The following JMJD1C variants were observed in gnomAD, a reference collection of about 807,000 sequenced individuals.
JMJD1C encodes jumonji domain containing 1C.
In JMJD1C, 31 loss-of-function variants were observed where a neutral mutation model predicts 245.3. That is an observed-to-expected ratio of 0.13 (90% CI 0.09 to 0.17). JMJD1C has a LOEUF of 0.17. Among genes scored for constraint, JMJD1C ranks in the 10% least tolerant of loss-of-function variants. The pLI, the probability that JMJD1C is intolerant of heterozygous loss-of-function variation, is 1.00. For synonymous variants in JMJD1C, 1,057 were observed against 1,017.4 expected, an observed-to-expected ratio of 1.04 and a Z score of -0.74; for missense variants, 2,691 against 3,000.2, an observed-to-expected ratio of 0.90 and a Z score of 2.41.
chr10:63,327,284 T>G (rs1941630624), intron 2 of JMJD1C, among the ~76,000 whole-genome samples: 1 of 152,194 alleles, frequency 6.6e-6, no homozygotes, highest in Admixed American at 6.5e-5. Flanking sequence ...TAAAAATACG[T>G]TTCTATGTAA....
intron 1 of JMJD1C, among the ~76,000 whole-genome samples, chr10:63,408,263 C>T (rs1015590085): frequency 7.2e-5 from 11 of 151,816 alleles, no homozygotes; most frequent in African/African-American, 2.4e-4. Context: ...ATTAGCTGGG[C>T]GTGGAGGCGG....
At chr10:63,517,006 C>A (rs1955038799) in intron 1 of JMJD1C, among the ~76,000 whole-genome samples, 1 of 152,176 alleles carries the variant, frequency 6.6e-6, no homozygotes, top group Non-Finnish European at 1.5e-5. Flanking sequence ...TTATGTCAGT[C>A]TTCTTAAGAT....
At position 63,208,525 on chromosome 10, in the gene JMJD1C, A is replaced by C. The variant is rs1846936284; in HGVS notation, c.3144T>G (p.Asn1048Lys). 6.2e-7 allele frequency: 1 copy of C among 1,614,124 alleles called. No homozygotes were observed. The highest frequency in any genetic ancestry group is 8.5e-7 in the Non-Finnish European group (1 of 1,179,992). Residue 1048 changes from asparagine to lysine, a missense_variant, in exon 10 of 26, where the codon AAT becomes AAG. By Grantham distance (94) the Asn-to-Lys change is moderately conservative (BLOSUM62 0). Coordinates refer to ENST00000399262, the MANE Select transcript of JMJD1C (RefSeq NM_032776.3). ...AAGATGATGATGCCACTCTGGAATA[A>C]TTCTCTCTCTCACCCTCAAGTCCCT... ...KIKGLEGERE[N>K]YSRVASSSSS...
intron 3 of JMJD1C, among the ~76,000 whole-genome samples, chr10:63,263,882 A>C (rs1308404144): frequency 3.3e-5 from 5 of 151,010 alleles, no homozygotes. Flanking sequence ...CAGTGAACCA[A>C]GAACGTGCCA....
At chr10:63,324,662 C>T (rs897424760) in intron 2 of JMJD1C, among the ~76,000 whole-genome samples, 1 of 152,182 alleles carries the variant, frequency 6.6e-6, no homozygotes, top group African/African-American at 2.4e-5. Context: ...AAAACTCCTA[C>T]CTATAGAGCT....
chr10:63,261,882 G>A (rs898552836), intron 3 of JMJD1C, among the ~76,000 whole-genome samples: 3 of 152,092 alleles, frequency 2.0e-5, no homozygotes, highest in African/African-American at 7.2e-5. Context: ...CATTTAATTA[G>A]ATTCACAGCA....
intron 2 of JMJD1C, among the ~76,000 whole-genome samples, chr10:63,298,150 C>T (rs1859660639): frequency 6.6e-6 from 1 of 152,214 alleles, no homozygotes; most frequent in South Asian, 2.1e-4. Context: ...GGACCCTGTG[C>T]TTGCCCGGTC....
In JMJD1C at chr10:63,264,631, A is replaced by C. The variant is rs763404572; in HGVS notation, c.447+20T>G. 9.6e-7 allele frequency: 1 copy of C among 1,045,516 alleles called. No individual in the cohort carries two copies. Among genetic ancestry groups the C allele is most frequent in the Non-Finnish European group, 1.4e-6 (1 of 702,074 alleles). The allele number at this position is 1,045,516 out of a possible 1,614,324, so 64.8% of individuals were successfully genotyped here. On this transcript the variant is annotated intron_variant, in intron 3 of 25. Coordinates refer to ENST00000399262, the MANE Select transcript of JMJD1C (RefSeq NM_032776.3). Reference sequence around the variant, plus strand: ...GTTTAATTAACCTTTAATTTTAAAAAGTAATCTAAAATTTCTTACCTGGTA... The same window carrying C: ...GTTTAATTAACCTTTAATTTTAAAACGTAATCTAAAATTTCTTACCTGGTA...
chr10:63,221,059 G>A lies in JMJD1C; in HGVS notation c.448-1076C>T, dbSNP rs1215457954. On this transcript the variant is annotated intron_variant, in intron 3 of 25. Coordinates refer to ENST00000399262, the MANE Select transcript of JMJD1C (RefSeq NM_032776.3). ...CGGAAGGTGGCACTTGCAATGGGCC[G>A]AGATCACACCACTGCACTCCAGCCT... is the stretch of plus-strand genomic sequence containing the variant. Among the ~76,000 whole-genome samples, 6 of 145,758 alleles carry A rather than the reference G, an allele frequency of 4.1e-5. No individual in the cohort carries two copies. The East Asian group carries it at 1.0e-3, about 25-fold the overall frequency.
At chr10:63,502,183 C>T (rs1483884830) in intron 1 of JMJD1C, among the ~76,000 whole-genome samples, 1 of 152,092 alleles carries the variant, frequency 6.6e-6, no homozygotes, top group Non-Finnish European at 1.5e-5. Context: ...CAAATTTTGC[C>T]AGTTTGCAGA....
At chr10:63,170,773 T>C (rs1842274892) in intron 24 of JMJD1C, among the ~76,000 whole-genome samples, 1 of 152,204 alleles carries the variant, frequency 6.6e-6, no homozygotes, top group Admixed American at 6.5e-5. Context: ...GGATAAAGGC[T>C]TGAGGGTTAC....
intron 2 of JMJD1C, among the ~76,000 whole-genome samples, chr10:63,308,609 GA>G (rs58302652): frequency 1.0e-3 from 131 of 129,748 alleles, no homozygotes; most frequent in East Asian, 2.7e-3. Context: ...GCTGCTATAG[GA>G]AAAAAAAAAA....
intron 11 of JMJD1C, among the ~76,000 whole-genome samples, chr10:63,199,551 T>C (rs950798796): frequency 6.6e-6 from 1 of 152,178 alleles, no homozygotes; most frequent in Non-Finnish European, 1.5e-5. Flanking sequence ...TTTGGTTTTA[T>C]GTTATAATCT....
intron 2 of JMJD1C, among the ~76,000 whole-genome samples, chr10:63,360,213 C>G (rs1337157810): frequency 6.6e-6 from 1 of 152,036 alleles, no homozygotes; most frequent in African/African-American, 2.4e-5. Flanking sequence ...ATGATCCTCT[C>G]ACCTCAGCCT....
At chr10:63,384,688 TA>T (rs1947456314) in intron 1 of JMJD1C, among the ~76,000 whole-genome samples, 1 of 152,208 alleles carries the variant, frequency 6.6e-6, no homozygotes, top group Non-Finnish European at 1.5e-5. Flanking sequence ...AAATAATTCT[TA>T]GGGGCCCTAG....
chr10:63,363,417 C>A (rs1945570906), intron 2 of JMJD1C, among the ~76,000 whole-genome samples: 1 of 151,976 alleles, frequency 6.6e-6, no homozygotes, highest in South Asian at 2.1e-4. Context: ...TGCCGCCATG[C>A]CTGGCTAATT....
chr10:63,265,647 A>T (rs1440568705), intron 2 of JMJD1C, among the ~76,000 whole-genome samples: 1 of 152,200 alleles, frequency 6.6e-6, no homozygotes, highest in African/African-American at 2.4e-5. Context: ...TTGAAAATGA[A>T]AACAAAATTC....
intron 22 of JMJD1C, among the ~76,000 whole-genome samples, chr10:63,182,130 A>G (rs1388349968): frequency 6.6e-6 from 1 of 152,238 alleles, no homozygotes; most frequent in Non-Finnish European, 1.5e-5. Flanking sequence ...TTAAGCTCCA[A>G]TCTGGGATCC....
intron 4 of JMJD1C, chr10:63,217,721 T>C (rs1482907740): frequency 2.0e-5 from 3 of 152,602 alleles, no homozygotes; most frequent in Admixed American, 6.6e-5. Context: ...ACTTGATGTT[T>C]GTTTGAGTCT....
Sources: gnomAD v4.1 joint callset for allele counts (sites outside exome capture counted in the v4.1 genomes callset) on GRCh38, gnomAD v4.1.1 for gene constraint, MANE v1.5 for transcripts, NCBI Gene and HGNC (gene_info 2026-07-23, HGNC 2026-07-21) for gene names.